The following PPARGC1A variants were observed in gnomAD, a reference collection of about 807,000 sequenced individuals.
PPARGC1A encodes the protein peroxisome proliferator-activated receptor gamma coactivator 1-alpha.
In PPARGC1A, 25 loss-of-function variants were observed where a neutral mutation model predicts 88.7. The observed-to-expected ratio is 0.28, with a 90% CI of 0.21 to 0.39. The LOEUF is 0.39. Among genes scored for constraint, PPARGC1A ranks in the 10% least tolerant of loss-of-function variants. The pLI, the probability that PPARGC1A is intolerant of heterozygous loss-of-function variation, is 1.00. For synonymous variants in PPARGC1A, 363 were observed against 355.6 expected (o/e 1.02, Z -0.24); for missense variants, 880 against 968.7 (o/e 0.91, Z 1.22).
the PPARGC1A span, among the ~76,000 whole-genome samples, chr4:23,918,148 C>T: frequency 1.3e-5 from 2 of 152,144 alleles, no homozygotes; most frequent in Non-Finnish European, 2.9e-5. Context: ...ACTGCATGCC[C>T]AATAACTACC....
At chr4:23,883,630 T>C (rs989699985) in intron 2 of PPARGC1A, 1 of 152,198 alleles carries the variant, frequency 6.6e-6, no homozygotes, top group African/African-American at 2.4e-5. Flanking sequence ...CAATAGGTTG[T>C]TTTCAAGGAT....
the PPARGC1A span, among the ~76,000 whole-genome samples, chr4:24,446,359 G>A: frequency 6.6e-6 from 1 of 152,018 alleles, no homozygotes; most frequent in Non-Finnish European, 1.5e-5. Context: ...TATACCTGTT[G>A]GCCATTTGTG....
chr4:24,271,324 C>A, the PPARGC1A span, among the ~76,000 whole-genome samples: 3 of 152,032 alleles, frequency 2.0e-5, no homozygotes, highest in African/African-American at 7.2e-5. Flanking sequence ...GTTCCCTCTG[C>A]AGAATCAGCA....
chr4:24,024,728 A>G, the PPARGC1A span, among the ~76,000 whole-genome samples: 63 of 152,348 alleles, frequency 4.1e-4, 2 homozygotes, highest in African/African-American at 1.4e-3. Context: ...CCATTGGCTA[A>G]GTGTATCAAG....
intron 10 of PPARGC1A, among the ~76,000 whole-genome samples, chr4:23,804,195 C>A (rs566866326): frequency 6.6e-6 from 1 of 152,306 alleles, no homozygotes; most frequent in East Asian, 1.9e-4. Flanking sequence ...GCCCGACCCT[C>A]CAGCCTTGCC....
the PPARGC1A span, among the ~76,000 whole-genome samples, chr4:23,952,847 T>A: frequency 6.6e-5 from 10 of 152,090 alleles, no homozygotes; most frequent in African/African-American, 2.4e-4. Context: ...TCTCTTTACA[T>A]GGACACACCT....
At chr4:24,418,126 A>C in the PPARGC1A span, among the ~76,000 whole-genome samples, 1 of 152,140 alleles carries the variant, frequency 6.6e-6, no homozygotes. Context: ...TAAAGTGAGA[A>C]AACCTGAACT....
At position 23,792,918 on chromosome 4, in the gene PPARGC1A, G is replaced by A. The variant is rs1716889107; in HGVS notation, c.*2904C>T. 6.6e-6 allele frequency: 1 copy of A among 152,320 alleles called. No individual in the cohort carries two copies. Among genetic ancestry groups the A allele is most frequent in the African/African-American group, 2.4e-5 (1 of 41,426 alleles). The allele number at this position is 152,320 out of a possible 1,614,324, so 9.4% of individuals were successfully genotyped here. On this transcript the variant is annotated 3_prime_UTR_variant, in exon 13 of 13. Coordinates refer to ENST00000264867, the MANE Select transcript of PPARGC1A (RefSeq NM_013261.5). ...GTCCATTGAGGAAAACTATCTTCAT[G>A]GTAACAATATTTGTCAGGCTGGGGG... is the stretch of plus-strand genomic sequence containing the variant.
chr4:24,223,492 T>C, the PPARGC1A span, among the ~76,000 whole-genome samples: 1 of 152,172 alleles, frequency 6.6e-6, no homozygotes. Flanking sequence ...TCAAATGATC[T>C]GCTTTCCTCA....
chr4:23,913,261 TATATATAGAGAGAGAGAGAGAGAGAGAG>T, the PPARGC1A span, among the ~76,000 whole-genome samples: 1 of 54,614 alleles, frequency 1.8e-5, no homozygotes, highest in African/African-American at 5.7e-5. Context: ...TATATATATA[TATATATAGAGAGAGAGAGAGAGAGAGAG>T]AGAGAGAGAG....
chr4:24,034,423 A>C, the PPARGC1A span, among the ~76,000 whole-genome samples: 2 of 152,226 alleles, frequency 1.3e-5, no homozygotes, highest in East Asian at 3.8e-4. Context: ...TTTAACACCA[A>C]CTGATGATAA....
chr4:24,066,216 A>G, the PPARGC1A span, among the ~76,000 whole-genome samples: 17 of 152,168 alleles, frequency 1.1e-4, no homozygotes, highest in East Asian at 3.3e-3. Context: ...GCTCAGGGCA[A>G]ATCAGGTAGA....
the PPARGC1A span, among the ~76,000 whole-genome samples, chr4:24,404,668 T>G: frequency 1.3e-5 from 2 of 152,158 alleles, no homozygotes; most frequent in Admixed American, 1.3e-4. Flanking sequence ...TTCTCAGGCA[T>G]TAGGACGTGG....
the PPARGC1A span, among the ~76,000 whole-genome samples, chr4:24,165,696 G>A: frequency 1.3e-5 from 2 of 152,066 alleles, no homozygotes; most frequent in African/African-American, 2.4e-5. Flanking sequence ...GAACTTTAAT[G>A]TTACTATTGT....
At chr4:23,857,170 G>A (rs1397838151) in intron 2 of PPARGC1A, among the ~76,000 whole-genome samples, 1 of 151,764 alleles carries the variant, frequency 6.6e-6, no homozygotes, top group Non-Finnish European at 1.5e-5. Flanking sequence ...CAGAGCCAGT[G>A]CACCACTGGA....
chr4:24,351,227 T>C, the PPARGC1A span, among the ~76,000 whole-genome samples: 2 of 15,000 alleles, frequency 1.3e-4, no homozygotes, highest in Non-Finnish European at 3.3e-4. Flanking sequence ...CAAACCCTTG[T>C]ATTTAAAAAA....
upstream of PPARGC1A, among the ~76,000 whole-genome samples, chr4:23,907,774 C>T (rs546639218): frequency 2.2e-4 from 33 of 152,300 alleles, 1 homozygote; most frequent in South Asian, 2.9e-3. Flanking sequence ...GTTCTCCTAA[C>T]CTTTCCTCTT....
At chr4:23,899,024 T>A (rs1718961036) in intron 1 of PPARGC1A, among the ~76,000 whole-genome samples, 1 of 151,918 alleles carries the variant, frequency 6.6e-6, no homozygotes, top group Non-Finnish European at 1.5e-5. Context: ...GTATTTTTAG[T>A]AGAGACGGGG....
At chr4:24,414,434 T>TA in the PPARGC1A span, among the ~76,000 whole-genome samples, 1 of 152,160 alleles carries the variant, frequency 6.6e-6, no homozygotes, top group Non-Finnish European at 1.5e-5. Context: ...GGATGAACTA[T>TA]AATTAGAGTC....
Sources: allele counts gnomAD v4.1 joint callset (sites outside exome capture counted in the v4.1 genomes callset), GRCh38; gene constraint gnomAD v4.1.1; transcripts MANE v1.5; gene names NCBI Gene and HGNC (gene_info 2026-07-23, HGNC 2026-07-21).